P4HA3: variants seen among roughly 807,000 people sequenced by gnomAD.
The protein encoded by P4HA3 is prolyl 4-hydroxylase subunit alpha 3.
P4HA3 carries 60 observed loss-of-function variants against 66.7 expected under a neutral mutation model. The observed-to-expected ratio is 0.90, with a 90% CI of 0.73 to 1.12. The LOEUF is 1.12. Ranked by LOEUF, P4HA3 falls within the 50% of genes most tolerant of loss-of-function variation. The pLI, the probability that P4HA3 is intolerant of heterozygous loss-of-function variation, is 0.00. For synonymous variants in P4HA3, 263 were observed against 274.6 expected (o/e 0.96, Z 0.42); for missense variants, 683 against 685.8 (o/e 1.00, Z 0.05).
At chr11:74,273,806 A>G (rs1860292566) in intron 9 of P4HA3, among the ~76,000 whole-genome samples, 199 bp from the exon 10 acceptor site, 1 of 151,722 alleles carries the variant, frequency 6.6e-6, no homozygotes, top group African/African-American at 2.4e-5. Flanking sequence ...AATTTATTAG[A>G]TACTTATATA....
chr11:74,279,159 C>T (rs992820270), intron 8 of P4HA3, among the ~76,000 whole-genome samples: 3 of 152,194 alleles, frequency 2.0e-5, no homozygotes, highest in African/African-American at 7.2e-5. Context: ...GGCAGAGGAG[C>T]TCTTCCAAGT....
intron 7 of P4HA3, among the ~76,000 whole-genome samples, chr11:74,284,313 C>G (rs74996966): frequency 0.04 from 6,047 of 152,266 alleles, 125 homozygotes; most frequent in Middle Eastern, 0.11. Context: ...TGCAGTAGTG[C>G]CCACATGCTT....
intron 3 of P4HA3, among the ~76,000 whole-genome samples, chr11:74,299,322 A>G (rs1861327354): frequency 6.6e-6 from 1 of 152,244 alleles, no homozygotes; most frequent in Non-Finnish European, 1.5e-5. Flanking sequence ...CAGACTAGGA[A>G]GAACTCTTAC....
chr11:74,256,631 G>T (rs1859836424), intron 15 of P4HA3, among the ~76,000 whole-genome samples: 2 of 152,188 alleles, frequency 1.3e-5, no homozygotes, highest in African/African-American at 2.4e-5. Context: ...AGATCAGCAT[G>T]TATGAACTCA....
chr11:74,302,879 T>A (rs1861451534), intron 2 of P4HA3, among the ~76,000 whole-genome samples: 1 of 152,182 alleles, frequency 6.6e-6, no homozygotes, highest in African/African-American at 2.4e-5. Flanking sequence ...GGGAGACAAC[T>A]CTTCTTTTTC....
chr11:74,252,257 T>G (rs953265755), intron 15 of P4HA3, among the ~76,000 whole-genome samples: 29 of 150,970 alleles, frequency 1.9e-4, no homozygotes, highest in Non-Finnish European at 3.4e-4. Context: ...TTTTGTTTTT[T>G]TTTTTTTTTA....
In P4HA3 at chr11:74,267,012, C is replaced by T. The variant is rs1417117085; in HGVS notation, c.*236G>A. ...ACTTCCCTCTCAGGCCTCCACTCCC[C>T]CCTCCTTTGTACTGTGCATCCTACT... On this transcript the variant is annotated 3_prime_UTR_variant, in exon 13 of 13. Transcript: ENST00000331597. 2.6e-6 allele frequency: 4 copies of T among 1,510,926 alleles called. No individual in the cohort carries two copies. The highest frequency in any genetic ancestry group is 2.5e-5 in the South Asian group (2 of 80,204). The allele number at this position is 1,510,926 out of a possible 1,614,324, so 93.6% of individuals were successfully genotyped here. A position where few individuals can be genotyped will look rare whatever the true frequency, so the allele number is the denominator to read the frequency against.
At chr11:74,272,019 AG>A (rs1227177886) in intron 10 of P4HA3, among the ~76,000 whole-genome samples, 3 of 152,206 alleles carry the variant, frequency 2.0e-5, no homozygotes, top group African/African-American at 4.8e-5. Context: ...CAACACTGTG[AG>A]GAAGCACAGG....
Position 74,272,876 on chromosome 11 carries a change from C to T in P4HA3, c.1398+669G>A, listed in dbSNP as rs549815404. ...GTGATTGGAAGCTTGTCCATAGAGA[C>T]GAAAGTAAACCCACATGATCTGAAG... On this transcript the variant is annotated intron_variant, in intron 10 of 12. Transcript: ENST00000331597. Among the ~76,000 whole-genome samples the T allele has an allele frequency of 3.4e-4, 52 of 152,132 alleles. No individual in the cohort carries two copies. The South Asian group carries it at 6.4e-3, about 19-fold the overall frequency.
chr11:74,258,432 A>T (rs978875035), intron 15 of P4HA3, among the ~76,000 whole-genome samples: 1 of 152,214 alleles, frequency 6.6e-6, no homozygotes, highest in Admixed American at 6.5e-5. Context: ...AATAACTGAC[A>T]TGATACAGTC....
At chr11:74,271,919 T>C (rs1026625650) in intron 10 of P4HA3, among the ~76,000 whole-genome samples, 1 of 152,174 alleles carries the variant, frequency 6.6e-6, no homozygotes, top group Non-Finnish European at 1.5e-5. Flanking sequence ...TTTCCTTTAA[T>C]TGCTCTGTGG....
intron 15 of P4HA3, chr11:74,250,419 T>G (rs2135683629): frequency 6.5e-6 from 1 of 153,834 alleles, no homozygotes; most frequent in African/African-American, 2.4e-5. Flanking sequence ...TTTTGAATCC[T>G]TAACATAGCT....
intron 1 of P4HA3, among the ~76,000 whole-genome samples, chr11:74,309,472 A>C (rs757867503): frequency 3.9e-5 from 6 of 152,072 alleles, no homozygotes; most frequent in Non-Finnish European, 7.4e-5. Flanking sequence ...CAGCAGGGGG[A>C]TTTTGACCCC....
intron 3 of P4HA3, among the ~76,000 whole-genome samples, chr11:74,301,467 G>A (rs1861404358): frequency 6.6e-6 from 1 of 152,088 alleles, no homozygotes; most frequent in Non-Finnish European, 1.5e-5. Context: ...CAGGATCCCA[G>A]AAAAGAGAAA....
intron 9 of P4HA3, among the ~76,000 whole-genome samples, chr11:74,274,067 G>C (rs1860303382): frequency 6.6e-6 from 1 of 151,824 alleles, no homozygotes; most frequent in Non-Finnish European, 1.5e-5. Flanking sequence ...CCCCTTGTAA[G>C]CCTACTGTTC....
chr11:74,268,368 T>C, intron 11 of P4HA3, 127 bp from the exon 12 acceptor site: 2 of 767,746 alleles, frequency 2.6e-6, no homozygotes, highest in Non-Finnish European at 4.3e-6. Context: ...GGGCAATGCA[T>C]GCATAAAATG....
chr11:74,285,789 C>T lies in P4HA3; in HGVS notation c.1110+20G>A, dbSNP rs373365603. On this transcript the variant is annotated intron_variant, in intron 7 of 12. Transcript: ENST00000331597. ...GTGAAGATGAAAGAGAAATTCTTGG[C>T]GGGTTCTCAGGACACTCACCCATGG... 3.4e-5 allele frequency: 54 copies of T among 1,606,268 alleles called. No homozygotes were observed. The highest frequency in any genetic ancestry group is 4.3e-5 in the Non-Finnish European group (51 of 1,175,422).
Position 74,266,790 on chromosome 11 carries a change from C to G in P4HA3, c.*458G>C. 1 of 471,814 alleles carries G rather than the reference C, an allele frequency of 2.1e-6. No homozygotes were observed. Among genetic ancestry groups the G allele is most frequent in the Non-Finnish European group, 3.7e-6 (1 of 267,766 alleles). 29.2% of individuals were successfully genotyped at this position (471,814 alleles called of 1,614,324 possible). A position where few individuals can be genotyped will look rare whatever the true frequency, so the allele number is the denominator to read the frequency against. On this transcript the variant is annotated 3_prime_UTR_variant, in exon 13 of 13. Transcript: ENST00000331597. ...GATATGCTTCTGGGAGGGGGACACTCCCTGCTTGGGCTGCAGCAGAAGGCA... is the reference window on the plus strand; with the variant it reads ...GATATGCTTCTGGGAGGGGGACACTGCCTGCTTGGGCTGCAGCAGAAGGCA...
intron 3 of P4HA3, among the ~76,000 whole-genome samples, chr11:74,300,511 C>T (rs566098783): frequency 1.9e-4 from 29 of 152,084 alleles, no homozygotes; most frequent in South Asian, 6.2e-4. Flanking sequence ...CCTAGCTACT[C>T]GGGAGGCTGA....
Sources: allele counts gnomAD v4.1 joint callset (sites outside exome capture counted in the v4.1 genomes callset), GRCh38; gene constraint gnomAD v4.1.1; transcripts MANE v1.5; gene names NCBI Gene and HGNC (gene_info 2026-07-23, HGNC 2026-07-21).